Variants in MED12L observed in about 807,000 individuals in gnomAD.
The protein encoded by MED12L is mediator complex subunit 12L, also known as mediator of RNA polymerase II transcription subunit 12-like protein.
Under a neutral mutation model 281.3 loss-of-function variants are expected in MED12L, and 60 were observed. That is an observed-to-expected ratio of 0.21 (90% CI 0.17 to 0.26). MED12L has a LOEUF of 0.26. Among genes scored for constraint, MED12L ranks in the 10% least tolerant of loss-of-function variants. The pLI is 1.00. For synonymous variants in MED12L, 974 were observed against 987.2 expected (o/e 0.99, Z 0.25); for missense variants, 2,146 against 2,680.9 (o/e 0.80, Z 4.41).
intron 16 of MED12L, among the ~76,000 whole-genome samples, chr3:151,321,267 T>C (rs545817118): frequency 1.1e-4 from 17 of 152,318 alleles, no homozygotes; most frequent in Non-Finnish European, 7.4e-5. Flanking sequence ...AGTTTGGACT[T>C]CTTTATTCCA....
chr3:151,377,224 A>C (rs1577496134), intron 30 of MED12L, 46 bp downstream of exon 30: 1 of 1,517,064 alleles, frequency 6.6e-7, no homozygotes, highest in East Asian at 2.3e-5. Flanking sequence ...ATTTTTCACA[A>C]GTAACGGTAA....
intron 16 of MED12L, among the ~76,000 whole-genome samples, chr3:151,237,824 G>A (rs528354609): frequency 6.6e-6 from 1 of 151,994 alleles, no homozygotes; most frequent in South Asian, 2.1e-4. Flanking sequence ...AAATGATATG[G>A]GCATCTCTTC....
chr3:151,091,074 A>G (rs887084012), intron 2 of MED12L, among the ~76,000 whole-genome samples: 2 of 152,104 alleles, frequency 1.3e-5, no homozygotes, highest in Non-Finnish European at 2.9e-5. Flanking sequence ...ACAAAAAACA[A>G]CAGAAAAAGA....
intron 16 of MED12L, among the ~76,000 whole-genome samples, chr3:151,205,318 T>G (rs905794978): frequency 6.6e-6 from 1 of 152,228 alleles, no homozygotes; most frequent in South Asian, 2.1e-4. Flanking sequence ...TCATTACTTA[T>G]GAATATTTCA....
intron 33 of MED12L, among the ~76,000 whole-genome samples, chr3:151,383,570 T>G (rs12488803): frequency 0.29 from 44,448 of 152,172 alleles, 7,481 homozygotes; most frequent in Non-Finnish European, 0.38. Flanking sequence ...CTTCTTCATT[T>G]TAGTTAATGT....
intron 16 of MED12L, chr3:151,198,472 CT>C (rs1559867380): frequency 1.2e-6 from 2 of 1,611,462 alleles, no homozygotes; most frequent in Non-Finnish European, 1.7e-6. Context: ...GAGCCTTGGT[CT>C]CTTTAGGTGA....
chr3:151,358,845 G>T (rs940923547), intron 20 of MED12L, among the ~76,000 whole-genome samples: 2 of 152,112 alleles, frequency 1.3e-5, no homozygotes, highest in African/African-American at 4.8e-5. Context: ...ACTACTATAC[G>T]ATGGATACCT....
intron 16 of MED12L, among the ~76,000 whole-genome samples, chr3:151,297,940 C>G (rs1745327942): frequency 6.6e-6 from 1 of 151,976 alleles, no homozygotes; most frequent in Non-Finnish European, 1.5e-5. Context: ...GGCAGCAAAG[C>G]TTAAACAAAT....
At chr3:151,269,796 CA>C in intron 16 of MED12L, 1 of 417,558 alleles carries the variant, frequency 2.4e-6, no homozygotes, top group African/African-American at 2.1e-5. Context: ...AAGTCAAATG[CA>C]AATCTGGAAA....
chr3:151,370,113 A>G (rs1755995305), intron 26 of MED12L, among the ~76,000 whole-genome samples: 1 of 152,210 alleles, frequency 6.6e-6, no homozygotes, highest in African/African-American at 2.4e-5. Flanking sequence ...CATTTAATTC[A>G]TAATGTCCAA....
At chr3:151,224,104 A>C (rs9853676) in intron 16 of MED12L, among the ~76,000 whole-genome samples, 20,184 of 151,540 alleles carry the variant, frequency 0.13, 1,456 homozygotes, top group Middle Eastern at 0.17. Flanking sequence ...TGTATATTTA[A>C]ATTATTTCAT....
Position 151,187,786 on chromosome 3 carries a change from T to A in MED12L, c.1627-568T>A, listed in dbSNP as rs184540324. On this transcript the variant is annotated intron_variant, in intron 12 of 44. Coordinates refer to ENST00000687756, the MANE Select transcript of MED12L (RefSeq NM_001393769.1). ...GAATTATGTTAGCCTTCTCATTTGA[T>A]ACCATGTTTCTCCAAAAACACAAAT... is the stretch of plus-strand genomic sequence containing the variant. Among the ~76,000 whole-genome samples, 130 of 152,358 alleles carry A rather than the reference T, an allele frequency of 8.5e-4. 1 individual carries two copies. The highest frequency in any genetic ancestry group is 3.0e-3 in the African/African-American group (123 of 41,578).
At chr3:151,136,000 C>T (rs1716085378) in intron 5 of MED12L, among the ~76,000 whole-genome samples, 1 of 152,134 alleles carries the variant, frequency 6.6e-6, no homozygotes, top group Non-Finnish European at 1.5e-5. Context: ...GCTTAAAATG[C>T]TTCGTGGTTA....
At chr3:151,397,224 C>T (rs765411326) in intron 39 of MED12L, among the ~76,000 whole-genome samples, 39 of 152,218 alleles carry the variant, frequency 2.6e-4, no homozygotes, top group Admixed American at 7.2e-4. Flanking sequence ...ACCTCTTCAT[C>T]TCAGACTCAC....
Position 151,384,187 on chromosome 3 carries a change from G to A in MED12L, c.4895G>A (p.Arg1632His), listed in dbSNP as rs867946663. Reference sequence around the variant, plus strand: ...CCTGGGGGATCTGAAGAGAACAAGCGTGCATACATGAATTTAGTAAAGAAA... The same window carrying A: ...CCTGGGGGATCTGAAGAGAACAAGCATGCATACATGAATTTAGTAAAGAAA... ...ASPGGSEENK[R>H]AYMNLVKKLK... Residue 1632 changes from arginine to histidine, a missense_variant, in exon 35 of 45, where the codon CGT becomes CAT. Physicochemically the swap from Arg to His is conservative, Grantham distance 29. Coordinates refer to ENST00000687756, the MANE Select transcript of MED12L (RefSeq NM_001393769.1). 2.5e-6 allele frequency: 4 copies of A among 1,610,636 alleles called. No homozygotes were observed. The highest frequency in any genetic ancestry group is 3.4e-6 in the Non-Finnish European group (4 of 1,179,108).
chr3:151,391,372 C>G (rs559480344), intron 38 of MED12L, among the ~76,000 whole-genome samples: 5 of 152,150 alleles, frequency 3.3e-5, no homozygotes, highest in African/African-American at 4.8e-5. Context: ...CTGCCTGTCT[C>G]CGTTGGGCTT....
chr3:151,337,079 G>A (rs1751100225), intron 16 of MED12L: 1 of 151,802 alleles, frequency 6.6e-6, no homozygotes, highest in Admixed American at 6.6e-5. Flanking sequence ...TAAAAAATTA[G>A]TAAAACTAGT....
At chr3:151,202,528 A>G (rs1218119264) in intron 16 of MED12L, among the ~76,000 whole-genome samples, 2 of 152,042 alleles carry the variant, frequency 1.3e-5, no homozygotes, top group Admixed American at 1.3e-4. Context: ...AAAATTAGCC[A>G]ACGCGGTGGC....
chr3:151,395,192 A>G (rs965224869), intron 39 of MED12L, among the ~76,000 whole-genome samples: 2 of 152,104 alleles, frequency 1.3e-5, no homozygotes, highest in African/African-American at 4.8e-5. Flanking sequence ...TCATTTTTCT[A>G]TTATAATTAC....
Sources: gnomAD v4.1 joint callset for allele counts (sites outside exome capture counted in the v4.1 genomes callset) on GRCh38, gnomAD v4.1.1 for gene constraint, MANE v1.5 for transcripts, NCBI Gene and HGNC (gene_info 2026-07-23, HGNC 2026-07-21) for gene names.